Variants in PFKFB3 observed in about 807,000 individuals in gnomAD.
The protein encoded by PFKFB3 is 6-phosphofructo-2-kinase/fructose-2,6-biphosphatase 3.
PFKFB3 carries 33 observed loss-of-function variants against 68.0 expected under a neutral mutation model. The observed-to-expected ratio is 0.49, with a 90% CI of 0.37 to 0.65. The LOEUF is 0.65. Ranked by LOEUF, PFKFB3 falls within the 30% of genes least tolerant of loss-of-function variation. The pLI, the probability that PFKFB3 is intolerant of heterozygous loss-of-function variation, is 0.00. For synonymous variants in PFKFB3, 315 were observed against 288.2 expected (o/e 1.09, Z -0.94); for missense variants, 586 against 712.2 (o/e 0.82, Z 2.02).
chr10:6,215,234 G>A lies in PFKFB3; in HGVS notation c.216G>A (p.Gly72=), dbSNP rs878896428. 1.2e-6 allele frequency: 2 copies of A among 1,613,832 alleles called. No homozygotes were observed. The highest frequency in any genetic ancestry group is 1.1e-5 in the South Asian group (1 of 91,082). The change falls in exon 3 of 15, where the codon GGG becomes GGA. Residue 72 remains glycine (G), a synonymous_variant. Transcript: ENST00000379775. This position sits in a 1 kb window ranked among gnomAD's most constrained non-coding sequence, Gnocchi z 4.3. ...IGVPTKVFNV[G]EYRREAVKQY... is the part of the protein sequence containing the mutation. ...TCCCGTCCACAGTGTTCAACGTCGGGGAGTATCGCCGGGAGGCTGTGAAGC... is the reference window on the plus strand; with the variant it reads ...TCCCGTCCACAGTGTTCAACGTCGGAGAGTATCGCCGGGAGGCTGTGAAGC...
At chr10:6,174,212 G>T (rs1278764542) in intron 1 of PFKFB3, among the ~76,000 whole-genome samples, 1 of 152,128 alleles carries the variant, frequency 6.6e-6, no homozygotes, top group East Asian at 1.9e-4. Flanking sequence ...CTTGTTATTT[G>T]TTCTGGACTC....
In PFKFB3 at chr10:6,226,333, C is replaced by T. The variant is rs61731874; in HGVS notation, c.1483C>T (p.Pro495Ser). The change falls in exon 14 of 15, where the codon CCC becomes TCC. Residue 495 changes from proline (P) to serine (S), a missense_variant. Coordinates refer to ENST00000379775, the MANE Select transcript of PFKFB3 (RefSeq NM_004566.4). ...STSAALPSCL[P>S]PEVPTQLPGQ... ...CTCGGCCGCCCTGCCCAGCTGCCTG[C>T]CCCCGGAGGTGCCCACGCAGCTGCC... is the stretch of plus-strand genomic sequence containing the variant. The T allele has an allele frequency of 2.3e-5, 37 of 1,613,296 alleles. No homozygotes were observed. Among genetic ancestry groups the T allele is most frequent in the Admixed American group, 2.2e-4 (13 of 59,840 alleles).
upstream of PFKFB3, among the ~76,000 whole-genome samples, chr10:6,201,702 G>T (rs543763562): frequency 6.6e-6 from 1 of 152,158 alleles, no homozygotes; most frequent in Non-Finnish European, 1.5e-5. This position sits in a 1 kb window ranked among gnomAD's most constrained non-coding sequence, Gnocchi z 4.1. Flanking sequence ...AGGTTTCAGC[G>T]AGCGCCGCCT....
intron 14 of PFKFB3, among the ~76,000 whole-genome samples, chr10:6,247,871 C>T (rs1245474541): frequency 6.6e-6 from 1 of 152,210 alleles, no homozygotes; most frequent in Non-Finnish European, 1.5e-5. Context: ...GAAATCTTCC[C>T]CACCACTTTA....
At chr10:6,230,777 G>A (rs757582529) in intron 14 of PFKFB3, among the ~76,000 whole-genome samples, 39 of 151,746 alleles carry the variant, frequency 2.6e-4, no homozygotes, top group Non-Finnish European at 4.6e-4. Flanking sequence ...GTGCAGTGGC[G>A]CGATCTTGGC....
upstream of PFKFB3, among the ~76,000 whole-genome samples, chr10:6,200,001 T>C (rs992226069): frequency 3.7e-4 from 56 of 151,496 alleles, no homozygotes; most frequent in African/African-American, 1.2e-3. Context: ...GCTATCTGCG[T>C]CCGTGTCAAG....
chr10:6,284,675 C>T, the PFKFB3 span, among the ~76,000 whole-genome samples: 3 of 152,140 alleles, frequency 2.0e-5, no homozygotes, highest in African/African-American at 7.2e-5. Flanking sequence ...CAAGTATCAC[C>T]ACTGTCCATT....
At chr10:6,164,121 G>C (rs903993388) in intron 1 of PFKFB3, 6 of 152,396 alleles carry the variant, frequency 3.9e-5, no homozygotes, top group Admixed American at 2.6e-4. Flanking sequence ...GGGCGGCCCG[G>C]GCGCGCAGCC....
chr10:6,170,799 G>T (rs1258273605), intron 1 of PFKFB3, among the ~76,000 whole-genome samples: 1 of 152,090 alleles, frequency 6.6e-6, no homozygotes, highest in Non-Finnish European at 1.5e-5. Context: ...TTGGCTGGGT[G>T]ACAGCAAGGG....
intron 13 of PFKFB3, chr10:6,225,133 A>G (rs1845252674): frequency 2.2e-6 from 1 of 456,284 alleles, no homozygotes; most frequent in South Asian, 1.5e-5. Context: ...GCGTGTTGTG[A>G]AAGTGAGTTT....
downstream of PFKFB3, among the ~76,000 whole-genome samples, chr10:6,256,178 G>A (rs1447831465): frequency 6.6e-6 from 1 of 152,184 alleles, no homozygotes; most frequent in Non-Finnish European, 1.5e-5. Context: ...TCTATCTTCT[G>A]TTCTCAGCAT....
At chr10:6,257,518 C>A (rs1023698305), downstream of PFKFB3, among the ~76,000 whole-genome samples, 30 of 152,182 alleles carry the variant, frequency 2.0e-4, no homozygotes, top group Non-Finnish European at 4.3e-4. Context: ...TAAGAGTGGC[C>A]AGGATGGAGG....
At chr10:6,184,303 T>C (rs1842811628) in intron 1 of PFKFB3, among the ~76,000 whole-genome samples, 1 of 152,012 alleles carries the variant, frequency 6.6e-6, no homozygotes, top group African/African-American at 2.4e-5. Context: ...TCTGCCTGCC[T>C]CAGCTCCACA....
rs760628655 is a variant in PFKFB3, at chr10:6,220,070, C to CATTT, written c.623+395_623+398dup. ...CTTTCTTTTTTCTTTCCTTTCTTTC[C>CATTT]ATTTATTTATTTATTTATTTACTTA... On this transcript the variant is annotated intron_variant, in intron 7 of 14. Transcript: ENST00000379775. The surrounding 1 kb of genome is among the most constrained non-coding windows in gnomAD (Gnocchi z 4.1). Among the ~76,000 whole-genome samples the CATTT allele has an allele frequency of 4.8e-4, 73 of 151,672 alleles. No individual in the cohort carries two copies. Among genetic ancestry groups the CATTT allele is most frequent in the African/African-American group, 9.5e-4 (39 of 41,212 alleles).
At chr10:6,278,637 G>C in the PFKFB3 span, among the ~76,000 whole-genome samples, 2 of 152,134 alleles carry the variant, frequency 1.3e-5, no homozygotes, top group African/African-American at 4.8e-5. Context: ...CCAGTTTGAG[G>C]TTATTTGGAA....
chr10:6,315,859 C>T, the PFKFB3 span, among the ~76,000 whole-genome samples: 1 of 152,180 alleles, frequency 6.6e-6, no homozygotes, highest in Non-Finnish European at 1.5e-5. Flanking sequence ...ATAATACATA[C>T]TGTATTATAC....
Position 6,235,047 on chromosome 10 carries a change from A to G in PFKFB3, c.*2105A>G, listed in dbSNP as rs907143677. 6.6e-6 allele frequency: 1 copy of G among 152,554 alleles called. No individual in the cohort carries two copies. The highest frequency in any genetic ancestry group is 1.5e-5 in the Non-Finnish European group (1 of 67,974). The allele number at this position is 152,554 out of a possible 1,614,324, so 9.5% of individuals were successfully genotyped here. On this transcript the variant is annotated 3_prime_UTR_variant, in exon 15 of 15. Coordinates refer to ENST00000379775, the MANE Select transcript of PFKFB3 (RefSeq NM_004566.4). ...CGGGGGCGGGGGTTGGGTTTGAGCT[A>G]CAGTCATGAACTTTTGGCGTCTACT...
At chr10:6,255,201 T>G (rs1465219980), downstream of PFKFB3, among the ~76,000 whole-genome samples, 2 of 151,890 alleles carry the variant, frequency 1.3e-5, no homozygotes, top group African/African-American at 4.8e-5. Flanking sequence ...CTCAGCTCAC[T>G]GCAACCTCTG....
Position 6,220,895 on chromosome 10 carries a change from C to G in PFKFB3, c.831+30C>G. The stretch of plus-strand genomic sequence containing the variant: ...GGGGTGTGCTGCCGCATGGGCCGTT[C>G]TGGCTGTAGGGCGGTTGCAGGGTCT... On this transcript the variant is annotated intron_variant, in intron 8 of 14. Coordinates refer to ENST00000379775, the MANE Select transcript of PFKFB3 (RefSeq NM_004566.4). The surrounding 1 kb of genome is among the most constrained non-coding windows in gnomAD (Gnocchi z 4.1). The G allele has an allele frequency of 6.2e-7, 1 of 1,600,920 alleles. No individual in the cohort carries two copies. Among genetic ancestry groups the G allele is most frequent in the East Asian group, 2.2e-5 (1 of 44,856 alleles).
Sources: allele counts gnomAD v4.1 joint callset (sites outside exome capture counted in the v4.1 genomes callset), GRCh38; gene constraint gnomAD v4.1.1; non-coding constraint Gnocchi (gnomAD v3.1); transcripts MANE v1.5; gene names NCBI Gene and HGNC (gene_info 2026-07-23, HGNC 2026-07-21).